CCDC7: variants seen among roughly 807,000 people sequenced by gnomAD.
CCDC7 encodes coiled-coil domain-containing protein 7.
In CCDC7, 183 loss-of-function variants were observed where a neutral mutation model predicts 196.9. That is an observed-to-expected ratio of 0.93 (90% CI 0.82 to 1.05). The LOEUF (loss-of-function observed/expected upper bound fraction) is 1.05. CCDC7 is among the 50% of genes least tolerant of loss of function. The pLI is 0.00. For missense variants in CCDC7, 1,540 were observed against 1,482.2 expected, an observed-to-expected ratio of 1.04 and a Z score of -0.64; for synonymous variants, 525 against 484.6, an observed-to-expected ratio of 1.08 and a Z score of -1.10.
Position 32,684,059 on chromosome 10 carries a change from G to T in CCDC7, c.2123-1911G>T, listed in dbSNP as rs866132229. ...TCTGGAATCTCTGCCTCAGAGAAAT[G>T]CAGAGCTGCAGCCAGCCCAAGTGAT... On this transcript the variant is annotated intron_variant, in intron 21 of 41. Coordinates refer to ENST00000639629, the Ensembl canonical transcript of CCDC7. 5.4e-4 allele frequency among the ~76,000 whole-genome samples: 82 copies of T among 152,294 alleles called. No individual in the cohort carries two copies. In the Middle Eastern group the frequency reaches 0.01, roughly 19 times the overall value.
chr10:32,487,269 T>C (rs1326000919), intron 8 of CCDC7, among the ~76,000 whole-genome samples: 2 of 152,256 alleles, frequency 1.3e-5, no homozygotes, highest in Non-Finnish European at 2.9e-5. Context: ...TTCTTCCAGT[T>C]GATCGAATCG....
chr10:32,693,352 C>T (rs1340619568), intron 23 of CCDC7, among the ~76,000 whole-genome samples: 1 of 152,098 alleles, frequency 6.6e-6, no homozygotes, highest in Non-Finnish European at 1.5e-5. Context: ...TATATCTCTC[C>T]TCTGCTTCTT....
At chr10:32,876,054 A>T (rs959873361) in intron 41 of CCDC7, among the ~76,000 whole-genome samples, 2 of 151,986 alleles carry the variant, frequency 1.3e-5, no homozygotes, top group Admixed American at 6.6e-5. Context: ...AGAACTACTG[A>T]ATCAGAAGCT....
chr10:32,631,726 A>G (rs1295649509), intron 18 of CCDC7, among the ~76,000 whole-genome samples: 1 of 152,002 alleles, frequency 6.6e-6, no homozygotes, highest in African/African-American at 2.4e-5. Context: ...CAAATCTGTA[A>G]ATCAGTTGGA....
At chr10:32,800,265 G>A (rs1303786541) in intron 29 of CCDC7, among the ~76,000 whole-genome samples, 3 of 152,146 alleles carry the variant, frequency 2.0e-5, no homozygotes, top group Admixed American at 6.5e-5. Context: ...TTATTTTGAT[G>A]TATGATATTT....
At chr10:32,504,115 G>GTTTTTTTTTTT (rs748760643) in intron 9 of CCDC7, among the ~76,000 whole-genome samples, 2 of 96,274 alleles carry the variant, frequency 2.1e-5, no homozygotes, top group Admixed American at 1.2e-4. Flanking sequence ...TTTATTGCTG[G>GTTTTTTTTTTT]TTTTTTTTTT....
At chr10:32,751,089 C>T (rs1470662538) in intron 28 of CCDC7, among the ~76,000 whole-genome samples, 2 of 152,136 alleles carry the variant, frequency 1.3e-5, no homozygotes, top group African/African-American at 4.8e-5. Context: ...CCTCCATGTT[C>T]TCACTAGTCT....
intron 18 of CCDC7, among the ~76,000 whole-genome samples, chr10:32,593,260 A>G (rs2059966021): frequency 6.6e-6 from 1 of 152,168 alleles, no homozygotes; most frequent in Non-Finnish European, 1.5e-5. Flanking sequence ...GTGAGATGGT[A>G]TCTCCTTGTG....
intron 21 of CCDC7, among the ~76,000 whole-genome samples, chr10:32,665,496 G>C (rs1211338941): frequency 2.0e-5 from 3 of 152,006 alleles, no homozygotes; most frequent in Non-Finnish European, 4.4e-5. Context: ...TATAGTGTGA[G>C]ATGAAGGTAT....
chr10:32,553,769 G>A (rs959084752), intron 13 of CCDC7, among the ~76,000 whole-genome samples: 1 of 152,094 alleles, frequency 6.6e-6, no homozygotes, highest in African/African-American at 2.4e-5. Context: ...TGATATGGTG[G>A]TTTAATGCTC....
intron 20 of CCDC7, among the ~76,000 whole-genome samples, chr10:32,640,883 T>TTTTTTTA: frequency 7.3e-6 from 1 of 136,354 alleles, no homozygotes; most frequent in South Asian, 2.7e-4. Flanking sequence ...TTTCTTTTTT[T>TTTTTTTA]TTTTATTATA....
intron 20 of CCDC7, among the ~76,000 whole-genome samples, chr10:32,639,718 C>T (rs534579284): frequency 6.6e-6 from 1 of 151,582 alleles, no homozygotes; most frequent in South Asian, 2.1e-4. Flanking sequence ...AGTTCTGCCT[C>T]CTGGCTTCAC....
intron 25 of CCDC7, among the ~76,000 whole-genome samples, chr10:32,719,918 A>T (rs1182300812): frequency 2.0e-5 from 3 of 152,118 alleles, no homozygotes; most frequent in Non-Finnish European, 2.9e-5. Context: ...TACACTGTTG[A>T]TGGGAGTGTA....
At chr10:32,511,389 C>A in intron 9 of CCDC7, 1 of 1,609,192 alleles carries the variant, frequency 6.2e-7, no homozygotes, top group Non-Finnish European at 8.5e-7. Flanking sequence ...GCATTTTTTA[C>A]AAATCTTGAA....
At position 32,686,087 on chromosome 10, in the gene CCDC7, A is replaced by G. The variant is rs371565524; in HGVS notation, c.2233+7A>G. The G allele has an allele frequency of 2.3e-6, 3 of 1,292,686 alleles. No individual in the cohort carries two copies. The highest frequency in any genetic ancestry group is 1.9e-4 in the Middle Eastern group (1 of 5,324). The allele number at this position is 1,292,686 out of a possible 1,614,324, so 80.1% of individuals were successfully genotyped here. On this transcript the variant is annotated splice_region_variant and intron_variant, in intron 22 of 41. Transcript: ENST00000639629. ...ACAGAGCAACCACTCACCAGTAAGT[A>G]TAAAAATTACACATAACTTTACATT...
chr10:32,575,728 G>A (rs1244850016), intron 16 of CCDC7, among the ~76,000 whole-genome samples: 2 of 152,098 alleles, frequency 1.3e-5, no homozygotes, highest in East Asian at 3.9e-4. Context: ...CACAAAAAGA[G>A]GGAAGAAAGA....
intron 18 of CCDC7, among the ~76,000 whole-genome samples, chr10:32,592,293 C>A (rs1194343842): frequency 1.3e-5 from 2 of 151,930 alleles, no homozygotes; most frequent in Non-Finnish European, 2.9e-5. Context: ...AGAACCAATT[C>A]TTGATTTCAT....
At chr10:32,703,548 T>C (rs1195407265) in intron 24 of CCDC7, among the ~76,000 whole-genome samples, 6 of 152,032 alleles carry the variant, frequency 3.9e-5, no homozygotes, top group Non-Finnish European at 8.8e-5. Context: ...TTTCCTGAAT[T>C]TGAATGTTGG....
chr10:32,557,760 T>C (rs927175450), intron 13 of CCDC7, among the ~76,000 whole-genome samples: 4 of 152,158 alleles, frequency 2.6e-5, no homozygotes, highest in African/African-American at 9.7e-5. Flanking sequence ...GGCAGGATCA[T>C]AGCTCACTGC....
Sources: gnomAD v4.1 joint callset for allele counts (sites outside exome capture counted in the v4.1 genomes callset) on GRCh38, gnomAD v4.1.1 for gene constraint, MANE v1.5 for transcripts, NCBI Gene and HGNC (gene_info 2026-07-23, HGNC 2026-07-21) for gene names.